The following HS3ST2 variants were observed in gnomAD, a reference collection of about 807,000 sequenced individuals.
The protein encoded by HS3ST2 is heparan sulfate glucosamine 3-O-sulfotransferase 2.
A neutral mutation model predicts 26.3 loss-of-function variants in HS3ST2; 17 were observed. The observed-to-expected ratio is 0.65, with a 90% CI of 0.44 to 0.97. HS3ST2 has a LOEUF of 0.97. HS3ST2 is among the 50% of genes least tolerant of loss of function. HS3ST2 has a pLI of 0.00. For missense variants in HS3ST2, 402 were observed against 501.2 expected (o/e 0.80, Z 1.89); for synonymous variants, 237 against 219.2 (o/e 1.08, Z -0.72).
chr16:22,834,854 A>G (rs1017469428), intron 1 of HS3ST2, among the ~76,000 whole-genome samples: 1 of 152,064 alleles, frequency 6.6e-6, no homozygotes, highest in East Asian at 1.9e-4. Context: ...CATGAAAACT[A>G]TCTCCTTTTA....
In HS3ST2 at chr16:22,814,411, C is replaced by G. The variant is rs1900818982; in HGVS notation, c.-200C>G. The G allele has an allele frequency of 4.1e-6, 2 of 487,582 alleles. No homozygotes were observed. Among genetic ancestry groups the G allele is most frequent in the African/African-American group, 2.0e-5 (1 of 48,924 alleles). The allele number at this position is 487,582 out of a possible 1,614,324, so 30.2% of individuals were successfully genotyped here. ...GCTGGAAATGCAACCGCCTGTTCCC[C>G]GAGGAGCCGCTGCCCCCGGGACCCC... On this transcript the variant is annotated 5_prime_UTR_variant, in exon 1 of 2. Transcript: ENST00000261374.
At chr16:22,835,134 A>G (rs1017003055) in intron 1 of HS3ST2, among the ~76,000 whole-genome samples, 4 of 151,888 alleles carry the variant, frequency 2.6e-5, no homozygotes, top group Non-Finnish European at 5.9e-5. Context: ...TTTTTTATGT[A>G]TTCGATTATC....
In HS3ST2 at chr16:22,915,723, A is replaced by G. The variant is rs1421598650; in HGVS notation, c.*161A>G. The G allele has an allele frequency of 1.4e-6, 1 of 724,098 alleles. No homozygotes were observed. The highest frequency in any genetic ancestry group is 1.8e-5 in the African/African-American group (1 of 55,968). 44.9% of individuals were successfully genotyped at this position (724,098 alleles called of 1,614,324 possible). A position where few individuals can be genotyped will look rare whatever the true frequency, so the allele number is the denominator to read the frequency against. On this transcript the variant is annotated 3_prime_UTR_variant, in exon 2 of 2. Transcript: ENST00000261374. ...ACCAGGAAGCCCAGCTAAAGCCAAG[A>G]GACCAGAGAGTCCCTGCCACTAGTT...
At chr16:22,884,100 G>A (rs1902028313) in intron 1 of HS3ST2, among the ~76,000 whole-genome samples, 1 of 152,212 alleles carries the variant, frequency 6.6e-6, no homozygotes, top group Admixed American at 6.5e-5. Flanking sequence ...AAGGCATTGA[G>A]CTATGCTTGA....
At chr16:22,889,471 C>T (rs374152757) in intron 1 of HS3ST2, among the ~76,000 whole-genome samples, 1 of 152,164 alleles carries the variant, frequency 6.6e-6, no homozygotes, top group Admixed American at 6.5e-5. Context: ...GAATCCAAAG[C>T]ATTTTGAGTG....
At chr16:22,829,217 T>C (rs1030596769) in intron 1 of HS3ST2, among the ~76,000 whole-genome samples, 9 of 152,142 alleles carry the variant, frequency 5.9e-5, no homozygotes, top group Non-Finnish European at 7.4e-5. Flanking sequence ...TCCTATCCCA[T>C]GGAGAAGCAG....
rs1217877405 is a variant in HS3ST2, at chr16:22,824,054, CACGTATCTGTAG to C, written c.485+8964_485+8975del. Reference sequence around the variant, plus strand: ...CAATTACCACATCTACATAGATTGTCACGTATCTGTAGACGTCAGTGTCACAAAAGTCAGAGA... The same window carrying C: ...CAATTACCACATCTACATAGATTGTCACGTCAGTGTCACAAAAGTCAGAGA... On this transcript the variant is annotated intron_variant, in intron 1 of 1. Coordinates refer to ENST00000261374, the MANE Select transcript of HS3ST2 (RefSeq NM_006043.2). Among the ~76,000 whole-genome samples the C allele has an allele frequency of 2.6e-5, 4 of 152,324 alleles. No homozygotes were observed. In the East Asian group the frequency reaches 7.7e-4, roughly 29 times the overall value.
intron 1 of HS3ST2, among the ~76,000 whole-genome samples, chr16:22,860,538 T>A (rs1163724603): frequency 6.6e-6 from 1 of 152,158 alleles, no homozygotes; most frequent in Non-Finnish European, 1.5e-5. Flanking sequence ...CAATGATCAC[T>A]TTTTACTATA....
chr16:22,859,900 G>A (rs557511924), intron 1 of HS3ST2, among the ~76,000 whole-genome samples: 4 of 152,260 alleles, frequency 2.6e-5, no homozygotes, highest in South Asian at 2.1e-4. Flanking sequence ...GGTGGATGCA[G>A]AATGGGAGGG....
intron 1 of HS3ST2, among the ~76,000 whole-genome samples, chr16:22,899,856 C>A (rs1457425052): frequency 6.6e-6 from 1 of 152,220 alleles, no homozygotes; most frequent in Non-Finnish European, 1.5e-5. Flanking sequence ...CACCAGGTCC[C>A]TCCCATGACA....
intron 1 of HS3ST2, among the ~76,000 whole-genome samples, chr16:22,879,212 T>C (rs1901956384): frequency 6.6e-6 from 1 of 152,178 alleles, no homozygotes; most frequent in South Asian, 2.1e-4. Context: ...AACCCCAAAC[T>C]CAGGCTCTGT....
chr16:22,888,161 C>A (rs1417284560), intron 1 of HS3ST2, among the ~76,000 whole-genome samples: 1 of 152,114 alleles, frequency 6.6e-6, no homozygotes, highest in African/African-American at 2.4e-5. Flanking sequence ...TCTTAGGTCA[C>A]CTTCCAAATA....
chr16:22,852,272 C>A (rs1488733458), intron 1 of HS3ST2, among the ~76,000 whole-genome samples: 1 of 152,098 alleles, frequency 6.6e-6, no homozygotes, highest in East Asian at 1.9e-4. Context: ...CTAGTGTAGA[C>A]ACAGGAGCAA....
At chr16:22,818,026 C>G (rs536362437) in intron 1 of HS3ST2, among the ~76,000 whole-genome samples, 9 of 152,204 alleles carry the variant, frequency 5.9e-5, no homozygotes, top group Non-Finnish European at 1.3e-4. Flanking sequence ...GGGAACCACT[C>G]CCGTTCAGGC....
At position 22,830,168 on chromosome 16, in the gene HS3ST2, AGCTCTCTG is replaced by A. The variant is rs879308851; in HGVS notation, c.485+15074_485+15081del. ...TGTCACTGCTTCTCTGTAGGATAGA[AGCTCTCTG>A]CAACTTGGTCATTGCCTCCAGCTCC... is the stretch of plus-strand genomic sequence containing the variant. On this transcript the variant is annotated intron_variant, in intron 1 of 1. Transcript: ENST00000261374. Among the ~76,000 whole-genome samples the A allele has an allele frequency of 7.0e-3, 1,065 of 152,274 alleles. 8 individuals carry two copies. Among genetic ancestry groups the A allele is most frequent in the South Asian group, 0.013 (65 of 4,818 alleles).
chr16:22,839,369 A>G (rs1362269862), intron 1 of HS3ST2, among the ~76,000 whole-genome samples: 1 of 152,238 alleles, frequency 6.6e-6, no homozygotes, highest in African/African-American at 2.4e-5. Context: ...AGAACAAAAT[A>G]TAAGTAGCAA....
chr16:22,889,588 A>T (rs892678031), intron 1 of HS3ST2, among the ~76,000 whole-genome samples: 1 of 152,172 alleles, frequency 6.6e-6, no homozygotes, highest in African/African-American at 2.4e-5. Context: ...CAAAATCTGG[A>T]AAAAATCCCC....
intron 1 of HS3ST2, among the ~76,000 whole-genome samples, chr16:22,826,073 T>G (rs1248487543): frequency 6.6e-6 from 1 of 152,180 alleles, no homozygotes; most frequent in Non-Finnish European, 1.5e-5. Flanking sequence ...ATGAATTTAT[T>G]GGCCACCTGC....
chr16:22,878,146 A>T (rs1212998026), intron 1 of HS3ST2, among the ~76,000 whole-genome samples: 4 of 152,232 alleles, frequency 2.6e-5, no homozygotes, highest in African/African-American at 9.6e-5. Flanking sequence ...CACTGCTCAA[A>T]TATATTTAGA....
Sources: gnomAD v4.1 joint callset for allele counts (sites outside exome capture counted in the v4.1 genomes callset) on GRCh38, gnomAD v4.1.1 for gene constraint, MANE v1.5 for transcripts, NCBI Gene and HGNC (gene_info 2026-07-23, HGNC 2026-07-21) for gene names.